PPT1: variants seen among roughly 807,000 people sequenced by gnomAD.
PPT1 encodes the protein ceroid-palmitoyl-palmitoyl-protein thioesterase 1.
A neutral mutation model predicts 44.0 loss-of-function variants in PPT1; 24 were observed. The ratio of observed to expected loss-of-function variants is 0.54; its 90% CI spans 0.39 to 0.77. The LOEUF (loss-of-function observed/expected upper bound fraction) is 0.77. PPT1 is among the 30% of genes least tolerant of loss of function. The pLI is 0.00. For synonymous variants in PPT1, 148 were observed against 140.2 expected, an observed-to-expected ratio of 1.06 and a Z score of -0.39; for missense variants, 341 against 378.8, an observed-to-expected ratio of 0.90 and a Z score of 0.83.
intron 4 of PPT1, among the ~76,000 whole-genome samples, chr1:40,089,863 T>G (rs1428901798): frequency 6.6e-6 from 1 of 151,410 alleles, no homozygotes; most frequent in African/African-American, 2.4e-5. Flanking sequence ...CCAGTTATAC[T>G]TCATCCTTAG....
intron 7 of PPT1, among the ~76,000 whole-genome samples, chr1:40,078,060 G>A (rs1468217518): frequency 6.6e-6 from 1 of 152,150 alleles, no homozygotes; most frequent in Non-Finnish European, 1.5e-5. Context: ...TAGAATTTTG[G>A]GGTTGGGGGA....
At position 40,092,062 on chromosome 1, in the gene PPT1, G is replaced by T; in HGVS notation, c.345C>A (p.Ser115=). 1 of 1,614,032 alleles carries T rather than the reference G, an allele frequency of 6.2e-7. No individual in the cohort carries two copies. The highest frequency in any genetic ancestry group is 8.5e-7 in the Non-Finnish European group (1 of 1,179,988). Residue 115 remains serine (S), a synonymous_variant, in exon 3 of 9, where the codon TCC becomes TCA. Transcript: ENST00000642050. ...LQQGYNAMGF[S]QGGQFLRAVA... ...GAACGTACAGAAATTGGCCTCCCTG[G>T]GAGAATCCCATAGCATTGTAGCCTT...
chr1:40,071,530 A>G, downstream of PPT1: 2 of 1,609,480 alleles, frequency 1.2e-6, no homozygotes, highest in Non-Finnish European at 1.7e-6. Flanking sequence ...AAATTGCTGG[A>G]TAAGCGAAGT....
chr1:40,084,667 G>A lies in PPT1; in HGVS notation c.537-4180C>T, dbSNP rs1649160897. 2.0e-5 allele frequency among the ~76,000 whole-genome samples: 3 copies of A among 152,274 alleles called. No individual in the cohort carries two copies. In the South Asian group the frequency reaches 6.2e-4, roughly 32 times the overall value. On this transcript the variant is annotated intron_variant, in intron 5 of 8. Transcript: ENST00000642050. ...ATATAAAACAACAAGAGTTATCCTA[G>A]ACCTAGATCATAAACATGATTATAT... is the stretch of plus-strand genomic sequence containing the variant.
intron 1 of PPT1, chr1:40,096,728 T>A: frequency 4.0e-6 from 1 of 249,784 alleles, no homozygotes; most frequent in South Asian, 4.7e-5. Context: ...GAACTGTAGG[T>A]GCCTAACAAA....
chr1:40,095,933 T>C (rs1463928626), intron 1 of PPT1, among the ~76,000 whole-genome samples: 3 of 152,222 alleles, frequency 2.0e-5, no homozygotes, highest in African/African-American at 7.2e-5. Context: ...TTAGTCTTAC[T>C]AGGCCCAATA....
At chr1:40,071,594 C>T (rs185160226), downstream of PPT1, 66 of 1,084,370 alleles carry the variant, frequency 6.1e-5, no homozygotes, top group African/African-American at 1.6e-4. Context: ...TGTATCAAGA[C>T]GGTTCTTTTC....
At chr1:40,096,853 G>T in intron 1 of PPT1, 1 of 569,410 alleles carries the variant, frequency 1.8e-6, no homozygotes. Flanking sequence ...CGCCACTACT[G>T]TAAGGATTAA....
chr1:40,084,258 C>A (rs6688203), intron 5 of PPT1, among the ~76,000 whole-genome samples: 16,891 of 152,062 alleles, frequency 0.11, 1,053 homozygotes, highest in East Asian at 0.15. Context: ...GTTGCAATCT[C>A]AAAAAACAGA....
intron 6 of PPT1, 139 bp downstream of exon 6, chr1:40,080,258 G>A: frequency 2.2e-6 from 2 of 889,104 alleles, no homozygotes; most frequent in Admixed American, 3.5e-5. Flanking sequence ...CAAAGGCCCT[G>A]CCTCCCAAAA....
chr1:40,079,392 C>CTTTTTTTTT (rs11464192), intron 6 of PPT1, among the ~76,000 whole-genome samples: 8 of 90,104 alleles, frequency 8.9e-5, no homozygotes, highest in Admixed American at 1.6e-4. Flanking sequence ...TTTTCTTTTC[C>CTTTTTTTTT]TTTTTTTTTT....
chr1:40,092,329 G>A, intron 2 of PPT1, 69 bp downstream of exon 2: 1 of 1,529,858 alleles, frequency 6.5e-7, no homozygotes, highest in Non-Finnish European at 9.1e-7. Context: ...ACAAGGCAAA[G>A]CATTTTAACA....
chr1:40,078,417 G>A (rs1648740758), intron 7 of PPT1, 143 bp downstream of exon 7: 16 of 752,742 alleles, frequency 2.1e-5, no homozygotes, highest in Non-Finnish European at 3.8e-5. Context: ...GGCCAGGCTG[G>A]TCTTGAACTC....
At position 40,077,779 on chromosome 1, in the gene PPT1, T is replaced by C. The variant is rs535044883; in HGVS notation, c.726+781A>G. ...AGGTGGAGAAGCCAAGGAAGGGCAT[T>C]CTAGAGACAGAAATATATGAACCAA... On this transcript the variant is annotated intron_variant, in intron 7 of 8. Transcript: ENST00000642050. 3.3e-5 allele frequency among the ~76,000 whole-genome samples: 5 copies of C among 152,222 alleles called. No homozygotes were observed. The East Asian group carries it at 9.6e-4, about 29-fold the overall frequency.
At chr1:40,080,525 G>A (rs752791781) in intron 5 of PPT1, 38 bp from the exon 6 acceptor site, 3 of 1,593,336 alleles carry the variant, frequency 1.9e-6, no homozygotes, top group Admixed American at 3.3e-5. Context: ...TCAAGCTACA[G>A]GTCAGTCAGT....
At chr1:40,089,199 T>G (rs1570466795) in intron 5 of PPT1, among the ~76,000 whole-genome samples, 1 of 144,688 alleles carries the variant, frequency 6.9e-6, no homozygotes, top group South Asian at 2.2e-4. Flanking sequence ...GGCAGGAGAC[T>G]CGCTTGAACC....
At chr1:40,074,496 C>T (rs1648502403) in intron 8 of PPT1, among the ~76,000 whole-genome samples, 1 of 134,940 alleles carries the variant, frequency 7.4e-6, no homozygotes, top group Admixed American at 8.4e-5. Flanking sequence ...AAGACGGAGT[C>T]TTGCTCGGTT....
intron 8 of PPT1, among the ~76,000 whole-genome samples, chr1:40,076,029 A>C (rs948150739): frequency 6.6e-6 from 1 of 150,920 alleles, no homozygotes; most frequent in African/African-American, 2.4e-5. Flanking sequence ...TGGAGGTGGC[A>C]AATTACTGCA....
chr1:40,093,798 C>G (rs1427036468), intron 1 of PPT1: 3 of 484,984 alleles, frequency 6.2e-6, no homozygotes, highest in Non-Finnish European at 1.1e-5. Context: ...GCAGGAGAAT[C>G]GCTTGAAACT....
Sources: gnomAD v4.1 joint callset for allele counts (sites outside exome capture counted in the v4.1 genomes callset) on GRCh38, gnomAD v4.1.1 for gene constraint, MANE v1.5 for transcripts, NCBI Gene and HGNC (gene_info 2026-07-23, HGNC 2026-07-21) for gene names.